Variants in WDPCP observed in about 807,000 individuals in gnomAD.
WDPCP encodes the protein WD repeat-containing and planar cell polarity effector protein fritz homolog.
A neutral mutation model predicts 93.1 loss-of-function variants in WDPCP; 71 were observed. That is an observed-to-expected ratio of 0.76 (90% CI 0.63 to 0.93). WDPCP has a LOEUF of 0.93. WDPCP is among the 40% of genes least tolerant of loss of function. The pLI is 0.00. For synonymous variants in WDPCP, 315 were observed against 315.0 expected (o/e 1.00, Z 0.00); for missense variants, 844 against 887.4 (o/e 0.95, Z 0.62).
At chr2:63,282,357 T>C (rs1191346672) in intron 13 of WDPCP, among the ~76,000 whole-genome samples, 1 of 152,032 alleles carries the variant, frequency 6.6e-6, no homozygotes, top group African/African-American at 2.4e-5. Flanking sequence ...ATACAAAAAT[T>C]AGCTGGGCGT....
At chr2:63,633,522 T>C (rs985177691) in intron 3 of WDPCP, among the ~76,000 whole-genome samples, 12 of 152,096 alleles carry the variant, frequency 7.9e-5, no homozygotes, top group African/African-American at 1.2e-4. Context: ...CAACTTAAAA[T>C]AGATTGTTAT....
chr2:63,622,231 C>A (rs1709749665), intron 3 of WDPCP: 13 of 1,609,318 alleles, frequency 8.1e-6, no homozygotes, highest in Non-Finnish European at 1.1e-5. Context: ...CTGGCGAGGT[C>A]CTTGGCCTTC....
intron 17 of WDPCP, among the ~76,000 whole-genome samples, chr2:63,135,934 A>G (rs1670587733): frequency 1.3e-5 from 2 of 152,046 alleles, no homozygotes; most frequent in Admixed American, 6.5e-5. Flanking sequence ...GGGTCCTGCT[A>G]TGTTGCCCAG....
At chr2:63,216,473 C>G (rs148935924) in intron 14 of WDPCP, among the ~76,000 whole-genome samples, 2 of 152,028 alleles carry the variant, frequency 1.3e-5, no homozygotes, top group Non-Finnish European at 2.9e-5. Flanking sequence ...AACCAAACAC[C>G]GCATGTGTTC....
intron 1 of WDPCP, among the ~76,000 whole-genome samples, chr2:63,532,422 G>T (rs1044228075): frequency 6.6e-6 from 1 of 152,142 alleles, no homozygotes; most frequent in Non-Finnish European, 1.5e-5. Context: ...GATTCACCAA[G>T]GTTGAAATGA....
intron 1 of WDPCP, among the ~76,000 whole-genome samples, chr2:63,514,896 C>T (rs1222056498): frequency 1.3e-5 from 2 of 152,120 alleles, no homozygotes; most frequent in African/African-American, 2.4e-5. Context: ...TGCAACCTCT[C>T]TTCCCATACC....
chr2:63,734,966 TG>T (rs1444224654), intron 2 of WDPCP, among the ~76,000 whole-genome samples: 1 of 152,014 alleles, frequency 6.6e-6, no homozygotes, highest in Non-Finnish European at 1.5e-5. Flanking sequence ...GCCCTGTGAG[TG>T]GTTCTAATTT....
chr2:63,823,362 C>T (rs1265440994), intron 1 of WDPCP, among the ~76,000 whole-genome samples: 1 of 151,846 alleles, frequency 6.6e-6, no homozygotes, highest in Non-Finnish European at 1.5e-5. Flanking sequence ...AAAAATTAGC[C>T]AAGCGTGGTT....
chr2:63,713,438 A>G (rs1029993828), intron 2 of WDPCP, among the ~76,000 whole-genome samples: 5 of 152,200 alleles, frequency 3.3e-5, no homozygotes, highest in Non-Finnish European at 5.9e-5. Flanking sequence ...GCTCCACTAC[A>G]TCTTCAATAG....
At chr2:63,794,507 T>A (rs982773682) in intron 2 of WDPCP, among the ~76,000 whole-genome samples, 1 of 152,220 alleles carries the variant, frequency 6.6e-6, no homozygotes, top group Non-Finnish European at 1.5e-5. Context: ...TAAAAAGGGA[T>A]GGCATTTTTC....
intron 2 of WDPCP, among the ~76,000 whole-genome samples, chr2:63,760,526 T>C (rs1670041515): frequency 6.6e-6 from 1 of 151,006 alleles, no homozygotes; most frequent in Non-Finnish European, 1.5e-5. Context: ...TCATTTTGGC[T>C]ATTAAAACTC....
chr2:63,280,081 T>G (rs1683407581), intron 13 of WDPCP, among the ~76,000 whole-genome samples: 1 of 152,136 alleles, frequency 6.6e-6, no homozygotes, highest in Non-Finnish European at 1.5e-5. Context: ...AGTCTACAAA[T>G]ACCACCATCA....
At chr2:63,496,773 T>G (rs1213722182) in intron 1 of WDPCP, among the ~76,000 whole-genome samples, 3 of 152,120 alleles carry the variant, frequency 2.0e-5, no homozygotes, top group African/African-American at 7.2e-5. Context: ...TCTCCTACTT[T>G]AAAAATGACC....
chr2:63,693,698 T>C (rs1260756906), intron 2 of WDPCP, among the ~76,000 whole-genome samples: 2 of 152,136 alleles, frequency 1.3e-5, no homozygotes, highest in Non-Finnish European at 1.5e-5. Context: ...TGGAGACCTT[T>C]GAATGTTAGG....
At chr2:63,148,444 A>T (rs1013256618) in intron 17 of WDPCP, among the ~76,000 whole-genome samples, 3 of 152,256 alleles carry the variant, frequency 2.0e-5, no homozygotes, top group African/African-American at 7.2e-5. Flanking sequence ...GGTTGAAACG[A>T]TTCTTGTGTC....
intron 14 of WDPCP, among the ~76,000 whole-genome samples, chr2:63,189,560 G>GTA (rs1674885068): frequency 6.6e-6 from 1 of 152,164 alleles, no homozygotes; most frequent in Admixed American, 6.5e-5. Context: ...TCCACAGTGT[G>GTA]TATATAGATC....
At chr2:63,619,268 A>C (rs1709706545) in intron 3 of WDPCP, among the ~76,000 whole-genome samples, 1 of 152,238 alleles carries the variant, frequency 6.6e-6, no homozygotes. Flanking sequence ...AGATCATCAG[A>C]GAAAATTATC....
At position 63,120,946 on chromosome 2, in the gene WDPCP, A is replaced by G. The variant is rs141439605; in HGVS notation, c.*1060T>C. On this transcript the variant is annotated 3_prime_UTR_variant, in exon 18 of 18. Transcript: ENST00000272321. ...ACTAGCTAACAAGTTACCACACTAT[A>G]GTTTCATGGATGCTGTTAGAAGACA... 4.6e-5 allele frequency among the ~76,000 whole-genome samples: 7 copies of G among 152,338 alleles called. No individual in the cohort carries two copies. The highest frequency in any genetic ancestry group is 7.4e-5 in the Non-Finnish European group (5 of 68,024).
chr2:63,351,292 T>G (rs1469775012), intron 12 of WDPCP, among the ~76,000 whole-genome samples: 3 of 152,120 alleles, frequency 2.0e-5, no homozygotes, highest in African/African-American at 4.8e-5. Flanking sequence ...CAACTTTTAT[T>G]TTAGATAAAG....
Sources: gnomAD v4.1 joint callset for allele counts (sites outside exome capture counted in the v4.1 genomes callset) on GRCh38, gnomAD v4.1.1 for gene constraint, MANE v1.5 for transcripts, NCBI Gene and HGNC (gene_info 2026-07-23, HGNC 2026-07-21) for gene names.